GRM8: variants seen among roughly 807,000 people sequenced by gnomAD.
The protein encoded by GRM8 is glutamate metabotropic receptor 8.
A neutral mutation model predicts 87.2 loss-of-function variants in GRM8; 47 were observed. The ratio of observed to expected loss-of-function variants is 0.54; its 90% CI spans 0.43 to 0.69. The LOEUF (loss-of-function observed/expected upper bound fraction) is 0.69. Among genes scored for constraint, GRM8 ranks in the 30% least tolerant of loss-of-function variants. The probability of loss-of-function intolerance (pLI) is 0.00; values close to 1 mark genes in which losing one functional copy is unlikely to be tolerated. For missense variants in GRM8, 1,019 were observed against 1,139.2 expected, an observed-to-expected ratio of 0.89 and a Z score of 1.52; for synonymous variants, 396 against 404.5, an observed-to-expected ratio of 0.98 and a Z score of 0.25.
intron 6 of GRM8, among the ~76,000 whole-genome samples, chr7:126,868,242 G>T (rs924389686): frequency 6.6e-6 from 1 of 152,244 alleles, no homozygotes; most frequent in Non-Finnish European, 1.5e-5. Flanking sequence ...GGAAGGCTGG[G>T]AAGAACACGG....
chr7:126,813,448 A>G (rs376165723), intron 6 of GRM8, among the ~76,000 whole-genome samples: 1 of 152,064 alleles, frequency 6.6e-6, no homozygotes, highest in South Asian at 2.1e-4. Context: ...CATCTCTGGC[A>G]CCCCCAATGA....
At chr7:127,060,306 CAT>C (rs1820480664) in intron 3 of GRM8, among the ~76,000 whole-genome samples, 2 of 151,994 alleles carry the variant, frequency 1.3e-5, no homozygotes, top group Non-Finnish European at 2.9e-5. Flanking sequence ...AATAAATACT[CAT>C]ATATGATATA....
chr7:126,727,644 G>A (rs1255494760), intron 7 of GRM8, among the ~76,000 whole-genome samples: 2 of 150,884 alleles, frequency 1.3e-5, no homozygotes, highest in Middle Eastern at 3.4e-3. Flanking sequence ...GCTTAAAGTG[G>A]ATTTTAAAGC....
intron 9 of GRM8, among the ~76,000 whole-genome samples, chr7:126,447,573 T>C (rs1173126591): frequency 6.6e-6 from 1 of 151,876 alleles, no homozygotes; most frequent in Non-Finnish European, 1.5e-5. Flanking sequence ...AAGACCAAAC[T>C]AATTGTGTCC....
At chr7:126,646,325 A>G (rs941068895) in intron 7 of GRM8, among the ~76,000 whole-genome samples, 18 of 151,692 alleles carry the variant, frequency 1.2e-4, no homozygotes, top group African/African-American at 4.1e-4. Context: ...GAAGGAAGAA[A>G]GGAAGGAAGG....
intron 7 of GRM8, among the ~76,000 whole-genome samples, chr7:126,656,419 C>G (rs1051271255): frequency 7.9e-5 from 12 of 152,146 alleles, no homozygotes; most frequent in Non-Finnish European, 1.8e-4. Flanking sequence ...TGGCTCACTC[C>G]TGTAAACCTA....
At chr7:126,586,207 C>T (rs1323981824) in intron 8 of GRM8, among the ~76,000 whole-genome samples, 2 of 152,134 alleles carry the variant, frequency 1.3e-5, no homozygotes, top group East Asian at 3.9e-4. Flanking sequence ...GAAGAACATT[C>T]CATGCTCATG....
intron 2 of GRM8, among the ~76,000 whole-genome samples, chr7:127,176,107 T>G (rs1403952415): frequency 1.3e-5 from 2 of 151,948 alleles, no homozygotes; most frequent in African/African-American, 4.8e-5. Context: ...AATGGTAGAG[T>G]GTTATTAGAA....
At chr7:127,194,280 A>C (rs1301278265) in intron 2 of GRM8, among the ~76,000 whole-genome samples, 4 of 152,242 alleles carry the variant, frequency 2.6e-5, no homozygotes, top group Non-Finnish European at 4.4e-5. Context: ...TCTTAGCTTT[A>C]GTTTCTTCAT....
chr7:127,001,000 T>C (rs1813677784), intron 3 of GRM8, among the ~76,000 whole-genome samples: 2 of 151,602 alleles, frequency 1.3e-5, no homozygotes, highest in African/African-American at 2.4e-5. Flanking sequence ...AAGAACTAAG[T>C]TGCATGATTT....
intron 9 of GRM8, among the ~76,000 whole-genome samples, chr7:126,479,995 C>T (rs1174759519): frequency 1.3e-5 from 2 of 152,070 alleles, no homozygotes; most frequent in African/African-American, 4.8e-5. Flanking sequence ...AGGTGGAATG[C>T]AGACTGTGAC....
At chr7:127,142,685 AGATG>A (rs1177275125) in intron 2 of GRM8, among the ~76,000 whole-genome samples, 1 of 152,162 alleles carries the variant, frequency 6.6e-6, no homozygotes, top group Non-Finnish European at 1.5e-5. Flanking sequence ...ATGCATGGAT[AGATG>A]GATGGATGGA....
chr7:126,631,999 A>G (rs998814412), intron 7 of GRM8, among the ~76,000 whole-genome samples: 1 of 152,232 alleles, frequency 6.6e-6, no homozygotes, highest in South Asian at 2.1e-4. Flanking sequence ...AATCATCAAA[A>G]GCAATTGCAA....
intron 7 of GRM8, among the ~76,000 whole-genome samples, chr7:126,765,066 A>G (rs10233881): frequency 0.11 from 16,717 of 152,024 alleles, 3,111 homozygotes; most frequent in African/African-American, 0.38. Flanking sequence ...GATCTGACAT[A>G]CAACCTAAGT....
At chr7:126,898,059 G>A (rs138522835) in intron 6 of GRM8, among the ~76,000 whole-genome samples, 56 of 152,094 alleles carry the variant, frequency 3.7e-4, no homozygotes, top group African/African-American at 1.0e-3. Context: ...GATCACCGTC[G>A]CCTAATGTAA....
intron 3 of GRM8, among the ~76,000 whole-genome samples, chr7:127,042,784 A>G (rs13229907): frequency 0.34 from 52,373 of 152,004 alleles, 9,467 homozygotes; most frequent in Non-Finnish European, 0.41. Flanking sequence ...AAACTAAAGC[A>G]CTTCTGCACA....
intron 3 of GRM8, among the ~76,000 whole-genome samples, chr7:126,966,937 CTG>C (rs1357201683): frequency 2.6e-5 from 4 of 152,194 alleles, no homozygotes; most frequent in African/African-American, 9.6e-5. Flanking sequence ...TGTTCAAAAA[CTG>C]GGGCTGCTAG....
chr7:127,035,895 C>T (rs909881278), intron 3 of GRM8, among the ~76,000 whole-genome samples: 3 of 152,150 alleles, frequency 2.0e-5, no homozygotes, highest in Non-Finnish European at 2.9e-5. Flanking sequence ...CCACATGTCA[C>T]GACTTCCACC....
At chr7:126,707,857 C>T (rs905693140) in intron 7 of GRM8, among the ~76,000 whole-genome samples, 1 of 151,968 alleles carries the variant, frequency 6.6e-6, no homozygotes, top group African/African-American at 2.4e-5. Context: ...TTGGCTAGAA[C>T]ACCAAGAGCA....
Sources: gnomAD v4.1 joint callset for allele counts (sites outside exome capture counted in the v4.1 genomes callset) on GRCh38, gnomAD v4.1.1 for gene constraint, MANE v1.5 for transcripts, NCBI Gene and HGNC (gene_info 2026-07-23, HGNC 2026-07-21) for gene names.